Variants in PDE4D observed in about 807,000 individuals in gnomAD.
PDE4D encodes the protein phosphodiesterase 4D.
PDE4D carries 24 observed loss-of-function variants against 87.4 expected under a neutral mutation model. The ratio of observed to expected loss-of-function variants is 0.27; its 90% CI spans 0.20 to 0.39. The LOEUF (loss-of-function observed/expected upper bound fraction) is 0.39, where lower values mean the gene tolerates loss of function less well. PDE4D is among the 10% of genes least tolerant of loss of function. PDE4D has a pLI of 1.00. For missense variants in PDE4D, 714 were observed against 1,041.0 expected (o/e 0.69, Z 4.32); for synonymous variants, 384 against 383.2 (o/e 1.00, Z -0.02).
At chr5:59,953,105 T>TC (rs1212151432) in intron 3 of PDE4D, among the ~76,000 whole-genome samples, 1 of 151,878 alleles carries the variant, frequency 6.6e-6, no homozygotes, top group Non-Finnish European at 1.5e-5. Context: ...TCATCTTTTT[T>TC]CTTTAACTGC....
At chr5:60,076,264 T>C (rs1367702089) in intron 2 of PDE4D, among the ~76,000 whole-genome samples, 1 of 152,112 alleles carries the variant, frequency 6.6e-6, no homozygotes, top group Non-Finnish European at 1.5e-5. Flanking sequence ...GTTCACGCCA[T>C]TCTCCTGCCT....
At chr5:59,216,868 C>T (rs193016087) in intron 1 of PDE4D, 287 of 177,906 alleles carry the variant, frequency 1.6e-3, no homozygotes, top group African/African-American at 5.4e-3. Flanking sequence ...CCTTTCTCTA[C>T]GCTCCCAAGA....
chr5:59,458,830 A>G (rs370784525), intron 1 of PDE4D, among the ~76,000 whole-genome samples: 2 of 152,232 alleles, frequency 1.3e-5, no homozygotes, highest in East Asian at 1.9e-4. Context: ...TTGCACTTAC[A>G]TGAAACTTTC....
At chr5:59,308,791 A>AG (rs1771959495) in intron 1 of PDE4D, among the ~76,000 whole-genome samples, 1 of 151,806 alleles carries the variant, frequency 6.6e-6, no homozygotes, top group South Asian at 2.1e-4. Context: ...TAGTATGGGG[A>AG]GGAACCCTAG....
Position 59,547,512 on chromosome 5 carries a change from C to A in PDE4D, c.456-331544G>T, listed in dbSNP as rs150541087. 2.6e-5 allele frequency among the ~76,000 whole-genome samples: 4 copies of A among 152,202 alleles called. No homozygotes were observed. In the East Asian group the frequency reaches 7.7e-4, roughly 29 times the overall value. On this transcript the variant is annotated intron_variant, in intron 1 of 14. Coordinates refer to ENST00000340635, the MANE Select transcript of PDE4D (RefSeq NM_001104631.2). Reference sequence around the variant, plus strand: ...AATGACAACCTCAAGTAAACGTTCACTTTTTTCACAGCCAAATTTTGACTT... The same window carrying A: ...AATGACAACCTCAAGTAAACGTTCAATTTTTTCACAGCCAAATTTTGACTT...
chr5:59,274,503 C>T (rs1388871793), intron 1 of PDE4D, among the ~76,000 whole-genome samples: 1 of 152,080 alleles, frequency 6.6e-6, no homozygotes, highest in Non-Finnish European at 1.5e-5. Flanking sequence ...GCTTTTATTT[C>T]CCCAGTGTGA....
chr5:60,362,538 T>C (rs1272709903), intron 1 of PDE4D, among the ~76,000 whole-genome samples: 1 of 152,204 alleles, frequency 6.6e-6, no homozygotes, highest in Non-Finnish European at 1.5e-5. Context: ...CTGTCCAACA[T>C]GTCTTAGGGT....
Position 59,893,389 on chromosome 5 carries a change from C to A in PDE4D, c.234G>T (p.Pro78=). 1 of 1,181,858 alleles carries A rather than the reference C, an allele frequency of 8.5e-7. No homozygotes were observed. Among genetic ancestry groups the A allele is most frequent in the Non-Finnish European group, 1.1e-6 (1 of 939,926 alleles). 73.2% of individuals were successfully genotyped at this position (1,181,858 alleles called of 1,614,324 possible). A position where few individuals can be genotyped will look rare whatever the true frequency, so the allele number is the denominator to read the frequency against. The change falls in exon 1 of 15, where the codon CCG becomes CCT. Residue 78 remains proline (P), a synonymous_variant. Coordinates refer to ENST00000340635, the MANE Select transcript of PDE4D (RefSeq NM_001104631.2). ...QPQCPLQPPP[P]PPLPPPPPPP... ...GCGGCGGGGGCGGCGGCAGGGGGGGCGGCGGCGGCGGCTGTAGCGGACACT... is the reference window on the plus strand; with the variant it reads ...GCGGCGGGGGCGGCGGCAGGGGGGGAGGCGGCGGCGGCTGTAGCGGACACT...
intron 2 of PDE4D, among the ~76,000 whole-genome samples, chr5:60,108,363 T>C (rs947784404): frequency 2.6e-4 from 40 of 151,896 alleles, no homozygotes; most frequent in South Asian, 6.3e-4. Context: ...TAAAAGAGGA[T>C]ACAAACAAAT....
intron 3 of PDE4D, among the ~76,000 whole-genome samples, chr5:59,940,270 G>A (rs1757041833): frequency 6.6e-6 from 1 of 152,198 alleles, no homozygotes; most frequent in African/African-American, 2.4e-5. Flanking sequence ...CATAGAAGAA[G>A]GGGGAGGCAC....
Position 59,976,449 on chromosome 5 carries a change from T to C in PDE4D, c.272+12039A>G, listed in dbSNP as rs1468629041. 3.3e-5 allele frequency among the ~76,000 whole-genome samples: 5 copies of C among 152,098 alleles called. No individual in the cohort carries two copies. The South Asian group carries it at 8.3e-4, about 25-fold the overall frequency. On this transcript the variant is annotated intron_variant, in intron 3 of 16. Coordinates refer to the PDE4D transcript ENST00000502484. ...GTGAGATCTAATTGTTTAAAGAATA[T>C]GGCACCTGCCCCCTCTCTTATTCCC...
At chr5:59,568,205 G>T (rs1821264915) in intron 1 of PDE4D, among the ~76,000 whole-genome samples, 1 of 152,112 alleles carries the variant, frequency 6.6e-6, no homozygotes, top group Non-Finnish European at 1.5e-5. Flanking sequence ...CAATTGTGGG[G>T]ATGTATCAAA....
At chr5:59,195,555 A>G (rs1470309798) in intron 2 of PDE4D, among the ~76,000 whole-genome samples, 1 of 152,216 alleles carries the variant, frequency 6.6e-6, no homozygotes, top group Non-Finnish European at 1.5e-5. Flanking sequence ...GAGCCCTTGT[A>G]TGAAATGTAC....
In PDE4D at chr5:59,222,997, T is replaced by C. The variant is rs577812302; in HGVS notation, c.456-7029A>G. Among the ~76,000 whole-genome samples the C allele has an allele frequency of 1.8e-3, 270 of 152,298 alleles. 1 individual carries two copies. Among genetic ancestry groups the C allele is most frequent in the African/African-American group, 6.2e-3 (258 of 41,570 alleles). ...TTCATCTAGGTCATTCTCTTTAACT[T>C]TATTTGAACACATGGCTTTGGGAAG... is the stretch of plus-strand genomic sequence containing the variant. On this transcript the variant is annotated intron_variant, in intron 1 of 14. Transcript: ENST00000340635.
intron 1 of PDE4D, among the ~76,000 whole-genome samples, chr5:60,451,553 T>C (rs1392995762): frequency 6.6e-6 from 1 of 152,050 alleles, no homozygotes. Context: ...GACGTCATAA[T>C]AGATGTCTTT....
chr5:59,707,493 AT>A (rs1338737515), intron 1 of PDE4D, among the ~76,000 whole-genome samples: 1 of 151,818 alleles, frequency 6.6e-6, no homozygotes, highest in Non-Finnish European at 1.5e-5. Context: ...TTGAAATAAG[AT>A]TTTTTTTAGG....
chr5:60,235,848 A>T (rs963438378), intron 1 of PDE4D, among the ~76,000 whole-genome samples: 1 of 151,900 alleles, frequency 6.6e-6, no homozygotes, highest in Admixed American at 6.6e-5. Context: ...ATAAAAAACA[A>T]CACATGACTA....
At chr5:59,630,546 T>A (rs1303427994) in intron 1 of PDE4D, among the ~76,000 whole-genome samples, 1 of 152,336 alleles carries the variant, frequency 6.6e-6, no homozygotes, top group East Asian at 1.9e-4. Flanking sequence ...AAAGCCCTTG[T>A]GAGTGGATAG....
At chr5:60,285,196 T>C (rs892987608) in intron 1 of PDE4D, among the ~76,000 whole-genome samples, 9 of 152,104 alleles carry the variant, frequency 5.9e-5, no homozygotes, top group African/African-American at 2.2e-4. Flanking sequence ...ATAATAATTA[T>C]ATGATATAAT....
Sources: allele counts gnomAD v4.1 joint callset (sites outside exome capture counted in the v4.1 genomes callset), GRCh38; gene constraint gnomAD v4.1.1; transcripts MANE v1.5; gene names NCBI Gene and HGNC (gene_info 2026-07-23, HGNC 2026-07-21).